TRMT10B: variants seen among roughly 807,000 people sequenced by gnomAD.
TRMT10B encodes the protein tRNA methyltransferase 10B.
A neutral mutation model predicts 43.8 loss-of-function variants in TRMT10B; 33 were observed. That is an observed-to-expected ratio of 0.75 (90% CI 0.57 to 1.01). The LOEUF is 1.01. Ranked by LOEUF, TRMT10B falls within the 50% of genes least tolerant of loss-of-function variation. The pLI is 0.00. For missense variants in TRMT10B, 362 were observed against 369.8 expected (o/e 0.98, Z 0.17); for synonymous variants, 137 against 130.6 (o/e 1.05, Z -0.34).
At chr9:37,765,307 T>A (rs898248815) in intron 4 of TRMT10B, among the ~76,000 whole-genome samples, 8 of 152,162 alleles carry the variant, frequency 5.3e-5, no homozygotes, top group Non-Finnish European at 1.2e-4. Flanking sequence ...GTCCATGTGT[T>A]CTCATTGTTC....
At chr9:37,755,960 C>T (rs1825628077) in intron 1 of TRMT10B, among the ~76,000 whole-genome samples, 1 of 152,144 alleles carries the variant, frequency 6.6e-6, no homozygotes, top group Non-Finnish European at 1.5e-5. Context: ...ACAGACTTTC[C>T]AATTTTTGAA....
chr9:37,763,892 G>A, intron 4 of TRMT10B, 139 bp downstream of exon 4: 1 of 1,529,150 alleles, frequency 6.5e-7, no homozygotes, highest in Non-Finnish European at 8.8e-7. Flanking sequence ...TCTATACTGG[G>A]TTACTAAGTT....
rs1354329059 is a variant in TRMT10B, at chr9:37,777,709, G to A, written c.*2G>A. ...ATTCTTCGGAACTCAGTGGAATGAT[G>A]GGCCTAAGATTGCAGCTGCGTGGCC... On this transcript the variant is annotated 3_prime_UTR_variant, in exon 9 of 9. Transcript: ENST00000297994. The A allele has an allele frequency of 3.7e-6, 6 of 1,612,932 alleles. No individual in the cohort carries two copies. Among genetic ancestry groups the A allele is most frequent in the Admixed American group, 1.7e-5 (1 of 59,990 alleles).
chr9:37,763,143 C>CAAAAAAAAAAAAAAAAAAAAAA (rs747893643), intron 3 of TRMT10B, among the ~76,000 whole-genome samples: 4 of 50,196 alleles, frequency 8.0e-5, no homozygotes, highest in Non-Finnish European at 1.2e-4. Context: ...GACTCTGTCT[C>CAAAAAAAAAAAAAAAAAAAAAA]AAAAAAAAAA....
chr9:37,763,658 C>T lies in TRMT10B; in HGVS notation c.325C>T (p.Leu109=). Residue 109 remains leucine (L), a synonymous_variant, in exon 4 of 9, where the codon CTG becomes TTG. Coordinates refer to ENST00000297994, the MANE Select transcript of TRMT10B (RefSeq NM_144964.4). ...GICPQHSKRF[L]RALTKDKLLE... ...TTGCCCCCAGCACAGCAAACGTTTC[C>T]TGAGAGCTCTAACCAAAGACAAACT... The T allele has an allele frequency of 6.2e-7, 1 of 1,614,132 alleles. No individual in the cohort carries two copies. The highest frequency in any genetic ancestry group is 8.5e-7 in the Non-Finnish European group (1 of 1,180,022).
At chr9:37,769,377 C>T (rs1296623255) in intron 5 of TRMT10B, among the ~76,000 whole-genome samples, 1 of 149,816 alleles carries the variant, frequency 6.7e-6, no homozygotes, top group Admixed American at 6.7e-5. Context: ...CATTTCCTTC[C>T]CCAGGTCATC....
At chr9:37,776,652 C>T (rs76116513) in intron 8 of TRMT10B, among the ~76,000 whole-genome samples, 16 of 152,202 alleles carry the variant, frequency 1.1e-4, no homozygotes, top group Admixed American at 2.0e-4. Context: ...TCCTGTAATC[C>T]ACTTTCAGAG....
chr9:37,772,187 T>A (rs989941577), intron 7 of TRMT10B, among the ~76,000 whole-genome samples: 3 of 152,198 alleles, frequency 2.0e-5, no homozygotes, highest in African/African-American at 7.2e-5. Context: ...AATTTTTATA[T>A]TTTTTTGTAG....
chr9:37,758,636 AAGT>A (rs553802405), intron 1 of TRMT10B, among the ~76,000 whole-genome samples: 157 of 152,236 alleles, frequency 1.0e-3, no homozygotes, highest in Non-Finnish European at 1.5e-3. Flanking sequence ...CTTGAACAAG[AAGT>A]AGAAGTTTTA....
intron 5 of TRMT10B, among the ~76,000 whole-genome samples, chr9:37,769,308 TAAAAAAAAAAAAAAA>T (rs57651814): frequency 3.0e-4 from 18 of 60,714 alleles, no homozygotes; most frequent in Admixed American, 9.2e-4. Flanking sequence ...ACCCTGTCTT[TAAAAAAAAAAAAAAA>T]AAAAAAAAAA....
Position 37,770,751 on chromosome 9 carries a change from T to C in TRMT10B, c.720+12T>C, listed in dbSNP as rs1827485916. ...AAAGCATTCAGAAGGTAAGTATACA[T>C]TTCAGCCCCAACATCTGTTTTAAAA... On this transcript the variant is annotated intron_variant, in intron 7 of 8. Coordinates refer to ENST00000297994, the MANE Select transcript of TRMT10B (RefSeq NM_144964.4). 1 of 1,613,570 alleles carries C rather than the reference T, an allele frequency of 6.2e-7. No homozygotes were observed. The highest frequency in any genetic ancestry group is 8.5e-7 in the Non-Finnish European group (1 of 1,179,878).
At chr9:37,770,082 G>A (rs370958935) in intron 6 of TRMT10B, 63 bp downstream of exon 6, 9 of 1,451,966 alleles carry the variant, frequency 6.2e-6, no homozygotes, top group Admixed American at 1.7e-5. Context: ...ATTCCCTGTG[G>A]CAGAATTTAT....
chr9:37,752,971 A>G (rs1825085287), upstream of TRMT10B, among the ~76,000 whole-genome samples: 4 of 152,130 alleles, frequency 2.6e-5, no homozygotes, highest in South Asian at 8.3e-4. Context: ...GTTGCTTGCT[A>G]ACCCTTTGGG....
chr9:37,774,444 T>C (rs1827919828), intron 7 of TRMT10B, among the ~76,000 whole-genome samples: 1 of 152,250 alleles, frequency 6.6e-6, no homozygotes, highest in African/African-American at 2.4e-5. Context: ...TTTAGAACTT[T>C]TTGGTTGTTA....
intron 7 of TRMT10B, among the ~76,000 whole-genome samples, chr9:37,773,440 C>T (rs1007342327): frequency 6.6e-6 from 1 of 152,126 alleles, no homozygotes; most frequent in Non-Finnish European, 1.5e-5. Flanking sequence ...TATTTATATA[C>T]AGAGAGAAAA....
intron 1 of TRMT10B, among the ~76,000 whole-genome samples, chr9:37,759,839 G>A (rs1029946013): frequency 6.6e-6 from 1 of 152,140 alleles, no homozygotes; most frequent in African/African-American, 2.4e-5. Context: ...TTTCTGCGGT[G>A]ATGGAAACGT....
intron 4 of TRMT10B, among the ~76,000 whole-genome samples, chr9:37,764,141 G>A (rs988949199): frequency 4.0e-5 from 6 of 151,792 alleles, no homozygotes; most frequent in African/African-American, 1.5e-4. Context: ...TTTGCAATGT[G>A]TGTGTTTTTT....
chr9:37,769,036 G>C (rs545347283), intron 5 of TRMT10B, among the ~76,000 whole-genome samples: 1 of 152,012 alleles, frequency 6.6e-6, no homozygotes, highest in Admixed American at 6.6e-5. Context: ...GGCTGGGCAC[G>C]GTGGCTTATT....
intron 1 of TRMT10B, among the ~76,000 whole-genome samples, chr9:37,760,876 T>C (rs760059951): frequency 6.6e-5 from 10 of 152,236 alleles, no homozygotes; most frequent in African/African-American, 1.7e-4. Flanking sequence ...TCTGTGACAT[T>C]TGACCATTGA....
Sources: gnomAD v4.1 joint callset for allele counts (sites outside exome capture counted in the v4.1 genomes callset) on GRCh38, gnomAD v4.1.1 for gene constraint, MANE v1.5 for transcripts, NCBI Gene and HGNC (gene_info 2026-07-23, HGNC 2026-07-21) for gene names.